Variants in ZFHX2 observed in about 807,000 individuals in gnomAD.
ZFHX2 encodes zinc finger homeobox 2, also known as zinc finger homeobox protein 2.
ZFHX2 carries 75 observed loss-of-function variants against 164.8 expected under a neutral mutation model. The ratio of observed to expected loss-of-function variants is 0.46; its 90% confidence interval spans 0.38 to 0.55. The LOEUF is 0.55. Ranked by LOEUF, ZFHX2 falls within the 20% of genes least tolerant of loss-of-function variation. ZFHX2 has a pLI of 0.00. For missense variants in ZFHX2, 2,933 were observed against 3,308.0 expected (o/e 0.89, Z 2.78); for synonymous variants, 1,217 against 1,351.4 (o/e 0.90, Z 2.18).
At position 23,523,167 on chromosome 14, in the gene ZFHX2, C is replaced by T; in HGVS notation, c.6739+36G>A. On this transcript the variant is annotated intron_variant, in intron 9 of 9. Coordinates refer to ENST00000419474, the MANE Select transcript of ZFHX2 (RefSeq NM_033400.3). The surrounding 1 kb of genome is among the most constrained non-coding windows in gnomAD (Gnocchi z 4.1). ...GGGCATGTCATTAGAGGGGGATGTT[C>T]TCTGAAGTCCAGCTCCTCCCAGCCT... 7.1e-7 allele frequency: 1 copy of T among 1,411,440 alleles called. No individual in the cohort carries two copies. Among genetic ancestry groups the T allele is most frequent in the Non-Finnish European group, 9.2e-7 (1 of 1,088,538 alleles). 87.4% of individuals were successfully genotyped at this position (1,411,440 alleles called of 1,614,324 possible).
upstream of ZFHX2, among the ~76,000 whole-genome samples, chr14:23,552,242 C>T (rs1881168370): frequency 6.6e-6 from 1 of 151,618 alleles, no homozygotes; most frequent in African/African-American, 2.4e-5. Flanking sequence ...GGGGGAGGTT[C>T]GGGCTCCTCC....
Position 23,522,136 on chromosome 14 carries a change from G to A in ZFHX2, c.7545C>T (p.Arg2515=). Residue 2515 remains arginine (R), a synonymous_variant, in exon 10 of 10, where the codon CGC becomes CGT. Coordinates refer to ENST00000419474, the MANE Select transcript of ZFHX2 (RefSeq NM_033400.3). ...CTGCCTTGCGCCTGTGGGCCGAGGAGCGCAGGTGGGAGGCTAGGGCTTCAC... is the reference window on the plus strand; with the variant it reads ...CTGCCTTGCGCCTGTGGGCCGAGGAACGCAGGTGGGAGGCTAGGGCTTCAC... ...SGREALASHL[R]SSAHRRKAAP... The A allele has an allele frequency of 1.3e-6, 2 of 1,525,932 alleles. No individual in the cohort carries two copies. The highest frequency in any genetic ancestry group is 2.4e-5 in the South Asian group (2 of 82,302). 94.5% of individuals were successfully genotyped at this position (1,525,932 alleles called of 1,614,324 possible).
chr14:23,535,478 G>C lies in ZFHX2; in HGVS notation c.-49-104C>G, dbSNP rs1387527911. On this transcript the variant is annotated intron_variant, in intron 1 of 9. Coordinates refer to ENST00000419474, the MANE Select transcript of ZFHX2 (RefSeq NM_033400.3). This position sits in a 1 kb window ranked among gnomAD's most constrained non-coding sequence, Gnocchi z 4.5. ...GCCCCATCCTCTTCCCTGAACACCAGACTCAGACACCACTTTGCTAACCTG... is the reference window on the plus strand; with the variant it reads ...GCCCCATCCTCTTCCCTGAACACCACACTCAGACACCACTTTGCTAACCTG... 1 of 919,552 alleles carries C rather than the reference G, an allele frequency of 1.1e-6. No homozygotes were observed. The highest frequency in any genetic ancestry group is 1.7e-5 in the African/African-American group (1 of 60,524). 57.0% of individuals were successfully genotyped at this position (919,552 alleles called of 1,614,324 possible).
rs1340635468 is a variant in ZFHX2, at chr14:23,526,268, T to A, written c.3674A>T (p.Asp1225Val). Residue 1225 changes from aspartate to valine, a missense_variant, in exon 9 of 10, where the codon GAC (aspartate) becomes GTC (valine). Coordinates refer to ENST00000419474, the MANE Select transcript of ZFHX2 (RefSeq NM_033400.3). ...HLHKMKKAAI[D>V]PSAPARGEAG... ...CTCTCCCCGTGCAGGGGCAGAGGGG[T>A]CAATGGCAGCCTTCTTCATCTTGTG... is the stretch of plus-strand genomic sequence containing the variant. 6.5e-7 allele frequency: 1 copy of A among 1,535,992 alleles called. No individual in the cohort carries two copies. Among genetic ancestry groups the A allele is most frequent in the Admixed American group, 2.0e-5 (1 of 50,964 alleles).
intron 1 of ZFHX2, chr14:23,543,028 G>A (rs1447758754): frequency 6.6e-6 from 1 of 152,226 alleles, no homozygotes; most frequent in Non-Finnish European, 1.5e-5. Context: ...CGGCTGGAAG[G>A]AAAACATTCT....
chr14:23,529,952 C>T lies in ZFHX2; in HGVS notation c.2875+168G>A, dbSNP rs571181761. On this transcript the variant is annotated intron_variant, in intron 5 of 9. Coordinates refer to ENST00000419474, the MANE Select transcript of ZFHX2 (RefSeq NM_033400.3). ...GTCAGGTCTGAGTTCTCAAAGAGGG[C>T]GGAAGTGCCTAGCCTCTCGTGGCTC... 1.8e-4 allele frequency among the ~76,000 whole-genome samples: 28 copies of T among 152,244 alleles called. No homozygotes were observed. In the South Asian group the frequency reaches 4.4e-3, roughly 24 times the overall value.
Position 23,534,092 on chromosome 14 carries a change from G to C in ZFHX2, c.1234C>G (p.Pro412Ala). The change falls in exon 2 of 10, where the codon CCC becomes GCC. Residue 412 changes from proline to alanine, a missense_variant. Pro to Ala is a conservative substitution (Grantham distance 27, BLOSUM62 -1). Transcript: ENST00000419474. The surrounding 1 kb of genome is among the most constrained non-coding windows in gnomAD (Gnocchi z 4.5). ...CGATAGGGCTGGGGTGGGTCACTGG[G>C]GTCTTCGGGGGAGCCCACTGGGGCA... is the stretch of plus-strand genomic sequence containing the variant. ...LPAPVGSPED[P>A]SDPPQPYRLA... 3 of 1,500,254 alleles carry C rather than the reference G, an allele frequency of 2.0e-6. No individual in the cohort carries two copies. Among genetic ancestry groups the C allele is most frequent in the African/African-American group, 2.8e-5 (2 of 72,378 alleles). The allele number at this position is 1,500,254 out of a possible 1,614,324, so 92.9% of individuals were successfully genotyped here.
intron 3 of ZFHX2, 150 bp downstream of exon 3, chr14:23,532,417 A>G: frequency 1.1e-6 from 1 of 918,572 alleles, no homozygotes; most frequent in Non-Finnish European, 1.5e-6. Flanking sequence ...TCACTTTGTT[A>G]CCCTGGTACA....
rs1366475894 is a variant in ZFHX2 at position 23,526,252 on chromosome 14, TGCAGGG to T, written c.3684_3689del (p.Pro1229_Ala1230del). On this transcript the variant is annotated inframe_deletion, in exon 9 of 10. Transcript: ENST00000419474. ...TGGGTGGGGCACCGGCCTCTCCCCG[TGCAGGG>T]GCAGAGGGGTCAATGGCAGCCTTCT... The T allele has an allele frequency of 6.5e-7, 1 of 1,536,340 alleles. No homozygotes were observed. Among genetic ancestry groups the T allele is most frequent in the East Asian group, 2.4e-5 (1 of 40,892 alleles).
intron 1 of ZFHX2, among the ~76,000 whole-genome samples, chr14:23,536,263 G>A (rs1221899508): frequency 6.6e-6 from 1 of 152,200 alleles, no homozygotes; most frequent in African/African-American, 2.4e-5. Flanking sequence ...CTTTAGCACA[G>A]AAAACAATGC....
rs1450175361 is a variant in ZFHX2, at chr14:23,532,717, G to A, written c.2409C>T (p.Ser803=). ...REGGGAMGTP[S]PASLGDGAPY... is the part of the protein sequence containing the mutation. ...GAGCCCCATCTCCCAGGGATGCTGGGGAAGGGGTGCCCATGGCTCCACCCC... is the reference window on the plus strand; with the variant it reads ...GAGCCCCATCTCCCAGGGATGCTGGAGAAGGGGTGCCCATGGCTCCACCCC... Residue 803 remains serine (S), a synonymous_variant, in exon 3 of 10, where the codon TCC becomes TCT. Coordinates refer to ENST00000419474, the MANE Select transcript of ZFHX2 (RefSeq NM_033400.3). 1.3e-6 allele frequency: 2 copies of A among 1,534,912 alleles called. No individual in the cohort carries two copies. The highest frequency in any genetic ancestry group is 2.7e-5 in the African/African-American group (2 of 73,042).
In ZFHX2 at chr14:23,533,167, A is replaced by G; in HGVS notation, c.2042-83T>C. The G allele has an allele frequency of 6.9e-7, 1 of 1,447,850 alleles. No homozygotes were observed. The highest frequency in any genetic ancestry group is 9.1e-7 in the Non-Finnish European group (1 of 1,104,464). 89.7% of individuals were successfully genotyped at this position (1,447,850 alleles called of 1,614,324 possible). ...TATGTGGGGAGGTGGGTTAATGAGTAGGATAGTGCTCAGAGGGACTTATGG... is the reference window on the plus strand; with the variant it reads ...TATGTGGGGAGGTGGGTTAATGAGTGGGATAGTGCTCAGAGGGACTTATGG... On this transcript the variant is annotated intron_variant, in intron 2 of 9. Coordinates refer to ENST00000419474, the MANE Select transcript of ZFHX2 (RefSeq NM_033400.3). This position sits in a 1 kb window ranked among gnomAD's most constrained non-coding sequence, Gnocchi z 4.8.
chr14:23,542,576 C>T (rs771891233), intron 1 of ZFHX2, among the ~76,000 whole-genome samples: 2 of 152,126 alleles, frequency 1.3e-5, no homozygotes, highest in Non-Finnish European at 2.9e-5. Flanking sequence ...ATGTGGTTCT[C>T]TCGTTCTACA....
Position 23,535,022 on chromosome 14 carries a change from C to T in ZFHX2, c.304G>A (p.Glu102Lys), listed in dbSNP as rs1400690533. ...VEKDKEQEEE[E>K]EGLPPMDLSN... The stretch of plus-strand genomic sequence containing the variant: ...AGGTCCATGGGAGGGAGCCCTTCTT[C>T]TTCCTCCTCCTGCTCCTTGTCCTTT... The change falls in exon 2 of 10, where the codon GAA becomes AAA. Residue 102 changes from glutamate to lysine, a missense_variant. By Grantham distance (56) the Glu-to-Lys change is moderately conservative. Coordinates refer to ENST00000419474, the MANE Select transcript of ZFHX2 (RefSeq NM_033400.3). The surrounding 1 kb of genome is among the most constrained non-coding windows in gnomAD (Gnocchi z 4.5). The T allele has an allele frequency of 2.0e-6, 3 of 1,536,050 alleles. No homozygotes were observed. The highest frequency in any genetic ancestry group is 2.4e-5 in the South Asian group (2 of 84,072).
Position 23,536,689 on chromosome 14 carries a change from G to A in ZFHX2, c.-49-1315C>T, listed in dbSNP as rs979691677. Reference sequence around the variant, plus strand: ...CATCCAAGAAACAGAGATGTTAAGTGAGCTACTGAGGGTCACACAGCTCCA... The same window carrying A: ...CATCCAAGAAACAGAGATGTTAAGTAAGCTACTGAGGGTCACACAGCTCCA... On this transcript the variant is annotated intron_variant, in intron 1 of 9. Transcript: ENST00000419474. 2.6e-5 allele frequency among the ~76,000 whole-genome samples: 4 copies of A among 152,282 alleles called. No individual in the cohort carries two copies. The South Asian group carries it at 6.2e-4, about 24-fold the overall frequency.
chr14:23,531,360 G>A, intron 4 of ZFHX2, 121 bp downstream of exon 4: 5 of 1,295,142 alleles, frequency 3.9e-6, no homozygotes, highest in East Asian at 2.9e-5. Flanking sequence ...TTCCCATTTA[G>A]TATAGGTGGC....
At chr14:23,530,330 T>C in intron 4 of ZFHX2, 136 bp from the exon 5 acceptor site, 7 of 742,820 alleles carry the variant, frequency 9.4e-6, no homozygotes, top group East Asian at 2.7e-5. Context: ...TAGGAGAGTA[T>C]GAAAAGCCAA....
At position 23,524,767 on chromosome 14, in the gene ZFHX2, A is replaced by G; in HGVS notation, c.5175T>C (p.Leu1725=). ...EEEEVEEEQG[L]EPPAGPEGPL... is the part of the protein sequence containing the mutation. Reference sequence around the variant, plus strand: ...GGCCCTCAGGCCCTGCTGGAGGTTCAAGGCCCTGTTCCTCCTCTACTTCTT... The same window carrying G: ...GGCCCTCAGGCCCTGCTGGAGGTTCGAGGCCCTGTTCCTCCTCTACTTCTT... Residue 1725 remains leucine, a synonymous_variant, in exon 9 of 10, where the codon CTT becomes CTC. Coordinates refer to ENST00000419474, the MANE Select transcript of ZFHX2 (RefSeq NM_033400.3). This position sits in a 1 kb window ranked among gnomAD's most constrained non-coding sequence, Gnocchi z 5.6. 6.5e-7 allele frequency: 1 copy of G among 1,536,354 alleles called. No individual in the cohort carries two copies. The highest frequency in any genetic ancestry group is 8.7e-7 in the Non-Finnish European group (1 of 1,146,932).
rs1190562687 is a variant in ZFHX2, at chr14:23,524,328, G to A, written c.5614C>T (p.Leu1872=). The A allele has an allele frequency of 1.3e-6, 2 of 1,536,324 alleles. No homozygotes were observed. Among genetic ancestry groups the A allele is most frequent in the Non-Finnish European group, 1.7e-6 (2 of 1,146,942 alleles). The change falls in exon 9 of 10, where the codon CTG becomes TTG. Residue 1872 remains leucine (L), a synonymous_variant. Coordinates refer to ENST00000419474, the MANE Select transcript of ZFHX2 (RefSeq NM_033400.3). This position sits in a 1 kb window ranked among gnomAD's most constrained non-coding sequence, Gnocchi z 5.6. The part of the protein sequence containing the change: ...TTILPEQLEI[L]YRWYMQDSNP... ...GAATCCTGCATGTACCAACGGTACAGGATCTCTAGCTGCTCAGGCAAGATG... is the reference window on the plus strand; with the variant it reads ...GAATCCTGCATGTACCAACGGTACAAGATCTCTAGCTGCTCAGGCAAGATG...
Sources: gnomAD v4.1 joint callset for allele counts (sites outside exome capture counted in the v4.1 genomes callset) on GRCh38, gnomAD v4.1.1 for gene constraint, Gnocchi (gnomAD v3.1) non-coding constraint, MANE v1.5 for transcripts, NCBI Gene and HGNC (gene_info 2026-07-23, HGNC 2026-07-21) for gene names.